The following RIT2 variants were observed in gnomAD, a reference collection of about 807,000 sequenced individuals.
The protein encoded by RIT2 is GTP-binding protein Rit2.
Under a neutral mutation model 23.7 loss-of-function variants are expected in RIT2, and 24 were observed. The observed-to-expected ratio is 1.01, with a 90% CI of 0.73 to 1.43. The LOEUF (loss-of-function observed/expected upper bound fraction) is 1.43. Among genes scored for constraint, RIT2 ranks in the 40% most tolerant of loss-of-function variants. The probability of loss-of-function intolerance (pLI) is 0.00; values close to 1 mark genes in which losing one functional copy is unlikely to be tolerated. For missense variants in RIT2, 236 were observed against 266.9 expected (o/e 0.88, Z 0.81); for synonymous variants, 107 against 91.1 (o/e 1.17, Z -0.99).
At chr18:42,938,052 T>G (rs1396453403) in intron 3 of RIT2, among the ~76,000 whole-genome samples, 1 of 152,104 alleles carries the variant, frequency 6.6e-6, no homozygotes, top group Non-Finnish European at 1.5e-5. Context: ...CAAATATTGG[T>G]CACCAAGGTA....
intron 2 of RIT2, among the ~76,000 whole-genome samples, chr18:42,990,529 A>G (rs976220528): frequency 4.6e-5 from 7 of 152,186 alleles, no homozygotes; most frequent in African/African-American, 1.4e-4. Context: ...AACTTCTACA[A>G]AACCTTGGGC....
In RIT2 at chr18:43,108,595, T is replaced by C. The variant is rs752334320; in HGVS notation, c.103+6822A>G. The stretch of plus-strand genomic sequence containing the variant: ...TAGATGGGGCAGACATATCATATAG[T>C]ACTCATGTAGAGCTGTAGAAACTCT... On this transcript the variant is annotated intron_variant, in intron 1 of 4. Transcript: ENST00000326695. Among the ~76,000 whole-genome samples, 211 of 152,220 alleles carry C rather than the reference T, an allele frequency of 1.4e-3. 4 individuals are homozygous for C. The highest frequency in any genetic ancestry group is 4.1e-4 in the Non-Finnish European group (28 of 68,038).
chr18:42,884,723 A>G (rs1388546658), intron 4 of RIT2, among the ~76,000 whole-genome samples: 1 of 152,210 alleles, frequency 6.6e-6, no homozygotes, highest in African/African-American at 2.4e-5. Context: ...CAAGCATGGG[A>G]AAACAGAATG....
intron 4 of RIT2, among the ~76,000 whole-genome samples, chr18:42,813,125 C>CA (rs1203932780): frequency 2.0e-5 from 3 of 152,076 alleles, no homozygotes; most frequent in Non-Finnish European, 2.9e-5. Context: ...TACAAACTTG[C>CA]AAAAAATCAT....
At chr18:42,914,530 A>T (rs1908852042) in intron 4 of RIT2, among the ~76,000 whole-genome samples, 1 of 152,110 alleles carries the variant, frequency 6.6e-6, no homozygotes, top group Admixed American at 6.6e-5. Context: ...AAACAATCTC[A>T]AAAGGATGCA....
intron 1 of RIT2, among the ~76,000 whole-genome samples, chr18:43,048,192 G>A (rs1037512619): frequency 2.6e-5 from 4 of 152,192 alleles, no homozygotes; most frequent in African/African-American, 7.2e-5. Context: ...ATATGGGTTC[G>A]CTAAATTCAA....
rs142810496 is a variant in RIT2 at position 42,996,892 on chromosome 18, A to G, written c.161-22745T>C. Among the ~76,000 whole-genome samples the G allele has an allele frequency of 1.4e-3, 206 of 152,270 alleles. 1 individual carries two copies. Among genetic ancestry groups the G allele is most frequent in the Non-Finnish European group, 2.3e-3 (155 of 68,014 alleles). On this transcript the variant is annotated intron_variant, in intron 2 of 4. Coordinates refer to ENST00000326695, the MANE Select transcript of RIT2 (RefSeq NM_002930.4). The stretch of plus-strand genomic sequence containing the variant: ...GACACTCAACAACCTGGTCATCCCT[A>G]TGAAAACTGTTTTTCCTAGACCTAG...
chr18:43,096,743 C>A (rs1913563194), intron 1 of RIT2, among the ~76,000 whole-genome samples: 1 of 151,738 alleles, frequency 6.6e-6, no homozygotes, highest in Non-Finnish European at 1.5e-5. Context: ...TATTCTCAAC[C>A]TTTCTAGGTT....
intron 4 of RIT2, among the ~76,000 whole-genome samples, chr18:42,796,671 T>C (rs71352054): frequency 0.019 from 2,842 of 152,342 alleles, 43 homozygotes; most frequent in Non-Finnish European, 0.025. Context: ...CTGCCCATGT[T>C]GTATTTGGAA....
At chr18:42,772,991 C>T (rs906904403) in intron 4 of RIT2, among the ~76,000 whole-genome samples, 1 of 152,148 alleles carries the variant, frequency 6.6e-6, no homozygotes, top group Non-Finnish European at 1.5e-5. Context: ...ATTCTCCTCT[C>T]ATTTGAGACA....
intron 1 of RIT2, among the ~76,000 whole-genome samples, chr18:43,051,101 G>T (rs1046987830): frequency 7.2e-5 from 11 of 152,134 alleles, no homozygotes; most frequent in African/African-American, 2.6e-4. Flanking sequence ...TGCAGGCTGA[G>T]ACTCCAACCT....
intron 3 of RIT2, among the ~76,000 whole-genome samples, chr18:42,944,117 C>A (rs1598725006): frequency 6.6e-6 from 1 of 152,086 alleles, no homozygotes; most frequent in African/African-American, 2.4e-5. Flanking sequence ...GCTCCCATGT[C>A]CTTCAGTGGA....
intron 3 of RIT2, among the ~76,000 whole-genome samples, chr18:42,926,824 T>C (rs1318025458): frequency 6.6e-6 from 1 of 152,000 alleles, no homozygotes; most frequent in African/African-American, 2.4e-5. Context: ...TATGAATATA[T>C]AACTGAATGT....
intron 1 of RIT2, among the ~76,000 whole-genome samples, chr18:43,111,002 A>T (rs959015257): frequency 1.4e-3 from 210 of 152,238 alleles, no homozygotes; most frequent in African/African-American, 4.9e-3. Flanking sequence ...AAAATCTACT[A>T]ATTTATGCAG....
intron 3 of RIT2, among the ~76,000 whole-genome samples, chr18:42,943,106 C>A (rs1233579135): frequency 6.6e-6 from 1 of 152,036 alleles, no homozygotes; most frequent in Non-Finnish European, 1.5e-5. Context: ...GGAAGGGGAC[C>A]CGAACAGGTT....
chr18:42,767,676 A>T (rs886591799), intron 4 of RIT2, among the ~76,000 whole-genome samples: 1 of 152,028 alleles, frequency 6.6e-6, no homozygotes, highest in Admixed American at 6.6e-5. Context: ...GGGTGGAATG[A>T]TGTGGTTTGG....
chr18:42,759,760 GATAT>G (rs149291326), intron 4 of RIT2, among the ~76,000 whole-genome samples: 2,464 of 130,680 alleles, frequency 0.019, 73 homozygotes, highest in African/African-American at 0.067. Context: ...CACACATACG[GATAT>G]ATATATATAT....
At chr18:43,069,112 A>G (rs1010555938) in intron 1 of RIT2, among the ~76,000 whole-genome samples, 3 of 152,184 alleles carry the variant, frequency 2.0e-5, no homozygotes, top group African/African-American at 4.8e-5. Flanking sequence ...CTTTAAAGAT[A>G]GTATCAATTC....
chr18:42,769,407 T>A (rs745703172), intron 4 of RIT2, among the ~76,000 whole-genome samples: 62 of 152,130 alleles, frequency 4.1e-4, no homozygotes, highest in Non-Finnish European at 6.6e-4. Flanking sequence ...TTTCTAGTCA[T>A]CTGGAGTTGC....
Sources: gnomAD v4.1 joint callset for allele counts (sites outside exome capture counted in the v4.1 genomes callset) on GRCh38, gnomAD v4.1.1 for gene constraint, MANE v1.5 for transcripts, NCBI Gene and HGNC (gene_info 2026-07-23, HGNC 2026-07-21) for gene names.